Variants in MED16 observed in about 807,000 individuals in gnomAD.
The protein encoded by MED16 is mediator of RNA polymerase II transcription subunit 16.
Under a neutral mutation model 84.4 loss-of-function variants are expected in MED16, and 81 were observed. That is an observed-to-expected ratio of 0.96 (90% CI 0.80 to 1.15). The LOEUF (loss-of-function observed/expected upper bound fraction) is 1.15, where lower values mean the gene tolerates loss of function less well. MED16 is among the 50% of genes most tolerant of loss of function. The pLI is 0.00. For missense variants in MED16, 1,585 were observed against 1,245.9 expected, an observed-to-expected ratio of 1.27 and a Z score of -4.10; for synonymous variants, 897 against 552.2, an observed-to-expected ratio of 1.62 and a Z score of -8.76.
chr19:868,327 G>A (rs765783244), intron 15 of MED16, 76 bp from the exon 16 acceptor site: 15 of 1,579,156 alleles, frequency 9.5e-6, no homozygotes, highest in Non-Finnish European at 1.3e-5. Context: ...GCCGGGCTCA[G>A]GGGCAGCTGA....
Position 887,141 on chromosome 19 carries a change from G to A in MED16, c.448-940C>T, listed in dbSNP as rs373548105. Reference sequence around the variant, plus strand: ...ACGTTGTGAAAAAATGCGAGGAAGAGAAGTGTATCATACGTATCGTACGGC... The same window carrying A: ...ACGTTGTGAAAAAATGCGAGGAAGAAAAGTGTATCATACGTATCGTACGGC... On this transcript the variant is annotated intron_variant, in intron 4 of 15. Transcript: ENST00000325464. Among the ~76,000 whole-genome samples the A allele has an allele frequency of 7.2e-5, 11 of 151,936 alleles. 1 individual carries two copies. The South Asian group carries it at 2.1e-3, about 29-fold the overall frequency.
At position 871,264 on chromosome 19, in the gene MED16, A is replaced by G. The variant is rs2036046374; in HGVS notation, c.2099-11T>C. 3.9e-6 allele frequency: 6 copies of G among 1,527,366 alleles called. No homozygotes were observed. Among genetic ancestry groups the G allele is most frequent in the Middle Eastern group, 1.7e-4 (1 of 5,812 alleles). 94.6% of individuals were successfully genotyped at this position (1,527,366 alleles called of 1,614,324 possible). On this transcript the variant is annotated splice_polypyrimidine_tract_variant and intron_variant, in intron 12 of 15. Transcript: ENST00000325464. ...GGCCCTCATCGCGACCTGCGGAGAG[A>G]GGTGGCGGAAGTCTCAGCACCCCTG...
Position 868,620 on chromosome 19 carries a change from G to C in MED16, c.2400-121C>G, listed in dbSNP as rs1651891. Reference sequence around the variant, plus strand: ...GCCGTCCCTCACGCCTGCTCCCCACGTCCCCACCTGCCACAGGGCCTCTGC... The same window carrying C: ...GCCGTCCCTCACGCCTGCTCCCCACCTCCCCACCTGCCACAGGGCCTCTGC... On this transcript the variant is annotated intron_variant, in intron 14 of 15. Transcript: ENST00000325464. 2.3e-6 allele frequency: 3 copies of C among 1,331,640 alleles called. No homozygotes were observed. The highest frequency in any genetic ancestry group is 3.1e-6 in the Non-Finnish European group (3 of 975,152). 82.5% of individuals were successfully genotyped at this position (1,331,640 alleles called of 1,614,324 possible). A position where few individuals can be genotyped will look rare whatever the true frequency, so the allele number is the denominator to read the frequency against.
intron 7 of MED16, 144 bp from the exon 8 acceptor site, chr19:880,292 GC>G: frequency 3.0e-6 from 2 of 664,898 alleles, no homozygotes; most frequent in East Asian, 3.4e-5. Flanking sequence ...CAGCGCCCGT[GC>G]CCCCAGCCAC....
intron 8 of MED16, among the ~76,000 whole-genome samples, chr19:879,384 A>G (rs868176928): frequency 0.12 from 2,429 of 20,432 alleles, no homozygotes; most frequent in African/African-American, 0.16. Flanking sequence ...CCAGCCGCAC[A>G]TGCCCCAGCA....
At chr19:889,078 CTT>C (rs972385361) in intron 4 of MED16, among the ~76,000 whole-genome samples, 6 of 127,830 alleles carry the variant, frequency 4.7e-5, no homozygotes, top group Non-Finnish European at 8.2e-5. Flanking sequence ...CACGCCTACT[CTT>C]AACTGTCCCC....
chr19:888,732 C>A (rs551066198), intron 4 of MED16, among the ~76,000 whole-genome samples: 179 of 152,244 alleles, frequency 1.2e-3, no homozygotes, highest in African/African-American at 3.8e-3. Flanking sequence ...GAGTGCACCC[C>A]GGAGGGCCCC....
chr19:873,868 G>A (rs1200118072), intron 10 of MED16, among the ~76,000 whole-genome samples: 1 of 152,168 alleles, frequency 6.6e-6, no homozygotes, highest in African/African-American at 2.4e-5. Context: ...CCAGTGCTCA[G>A]GCCCGGCCTG....
intron 11 of MED16, among the ~76,000 whole-genome samples, chr19:872,706 C>A (rs929467683): frequency 6.6e-6 from 1 of 151,614 alleles, no homozygotes; most frequent in Non-Finnish European, 1.5e-5. Context: ...AGCCGCAGAA[C>A]TGAAGGTGGA....
chr19:885,458 G>T (rs1045485783), intron 5 of MED16, among the ~76,000 whole-genome samples: 42 of 152,116 alleles, frequency 2.8e-4, no homozygotes, highest in Admixed American at 2.7e-3. Context: ...CACGTTGGGG[G>T]GGGTCCGGGG....
chr19:881,081 G>A (rs2036411406), intron 7 of MED16, among the ~76,000 whole-genome samples: 1 of 151,356 alleles, frequency 6.6e-6, no homozygotes, highest in African/African-American at 2.5e-5. Context: ...CAGGGAACCA[G>A]GGAAGAACGG....
intron 1 of MED16, chr19:892,868 A>ACCCCGAG (rs2036666081): frequency 7.6e-6 from 1 of 132,106 alleles, no homozygotes; most frequent in African/African-American, 3.0e-5. Flanking sequence ...TCCGCCGCAA[A>ACCCCGAG]CCCTGAGCCC....
rs559786814 is a variant in MED16, at chr19:882,882, A to G, written c.986-1168T>C. Among the ~76,000 whole-genome samples the G allele has an allele frequency of 2.0e-5, 3 of 152,292 alleles. No homozygotes were observed. In the East Asian group the frequency reaches 5.8e-4, roughly 29 times the overall value. The stretch of plus-strand genomic sequence containing the variant: ...GCCTTGACCTCCTGCAAACCCGTAT[A>G]GGGGTCCTGTGAGCAGCATTCCCTG... On this transcript the variant is annotated intron_variant, in intron 6 of 15. Transcript: ENST00000325464.
intron 12 of MED16, 185 bp downstream of exon 12, chr19:871,741 C>T (rs2036064780): frequency 1.2e-5 from 7 of 596,332 alleles, no homozygotes; most frequent in Admixed American, 9.0e-5. Context: ...TCAGGCAGGA[C>T]TTGTGTTTTG....
chr19:875,443 G>A lies in MED16; in HGVS notation c.1572C>T (p.Thr524=). The stretch of plus-strand genomic sequence containing the variant: ...GCGAGGCCTTCATGGCCAGGATCCG[G>A]GTGGAGAGGACCTGAGGGCAGGAAG... ...QTAALQQVLS[T]RILAMKASLC... The change falls in exon 10 of 16, where the codon ACC becomes ACT. Residue 524 remains threonine, a synonymous_variant. Coordinates refer to ENST00000325464, the MANE Select transcript of MED16 (RefSeq NM_005481.3). 1.9e-6 allele frequency: 3 copies of A among 1,601,914 alleles called. No individual in the cohort carries two copies. The highest frequency in any genetic ancestry group is 1.7e-6 in the Non-Finnish European group (2 of 1,179,488).
In MED16 at chr19:868,076, C is replaced by A; in HGVS notation, c.*25G>T. The stretch of plus-strand genomic sequence containing the variant: ...AGGAGACGCCCGAGCCGGGTCACCA[C>A]AAGGTCCGCCTGGACCCCCGGCCGT... On this transcript the variant is annotated 3_prime_UTR_variant, in exon 16 of 16. Transcript: ENST00000325464. 1 of 1,585,204 alleles carries A rather than the reference C, an allele frequency of 6.3e-7. No homozygotes were observed. The highest frequency in any genetic ancestry group is 2.0e-4 in the Middle Eastern group (1 of 5,116).
At chr19:872,853 C>T in intron 11 of MED16, 1 of 644,440 alleles carries the variant, frequency 1.6e-6, no homozygotes, top group Non-Finnish European at 2.0e-6. Flanking sequence ...AGGAGCAGGG[C>T]CTGGGAGGCG....
rs1426742744 is a variant in MED16 at position 886,076 on chromosome 19, G to C, written c.573C>G (p.Ser191=). The C allele has an allele frequency of 1.3e-6, 2 of 1,595,294 alleles. No individual in the cohort carries two copies. Among genetic ancestry groups the C allele is most frequent in the Non-Finnish European group, 1.7e-6 (2 of 1,174,880 alleles). The part of the protein sequence containing the change: ...AVTVSGLVTV[S]LLKPSGQVLT... ...GCACCTGCCCGCTGGGCTTCAGCAG[G>C]GACACGGTGACCAGGCCGCTGACCG... The change falls in exon 5 of 16, where the codon TCC becomes TCG. Residue 191 remains serine (S), a synonymous_variant. Transcript: ENST00000325464.
intron 10 of MED16, 50 bp from the exon 11 acceptor site, chr19:873,632 G>C (rs1343092154): frequency 6.2e-7 from 1 of 1,602,848 alleles, no homozygotes; most frequent in Admixed American, 1.7e-5. Context: ...TACACACAGG[G>C]TGACCTAACT....
Sources: allele counts gnomAD v4.1 joint callset (sites outside exome capture counted in the v4.1 genomes callset), GRCh38; gene constraint gnomAD v4.1.1; transcripts MANE v1.5; gene names NCBI Gene and HGNC (gene_info 2026-07-23, HGNC 2026-07-21).